TRERF1: variants seen among roughly 807,000 people sequenced by gnomAD.
The protein encoded by TRERF1 is transcriptional regulating factor 1, also known as transcriptional-regulating factor 1.
A neutral mutation model predicts 122.9 loss-of-function variants in TRERF1; 27 were observed. That is an observed-to-expected ratio of 0.22 (90% CI 0.16 to 0.30). TRERF1 has a LOEUF of 0.30. Among genes scored for constraint, TRERF1 ranks in the 10% least tolerant of loss-of-function variants. The probability of loss-of-function intolerance (pLI) is 1.00; values close to 1 mark genes in which losing one functional copy is unlikely to be tolerated. For synonymous variants in TRERF1, 636 were observed against 641.7 expected, an observed-to-expected ratio of 0.99 and a Z score of 0.13; for missense variants, 1,248 against 1,560.3, an observed-to-expected ratio of 0.80 and a Z score of 3.37.
At chr6:42,427,943 T>C (rs1161644842) in intron 2 of TRERF1, among the ~76,000 whole-genome samples, 4 of 152,174 alleles carry the variant, frequency 2.6e-5, no homozygotes, top group African/African-American at 9.7e-5. Flanking sequence ...ATGAAAGAGA[T>C]AAGATTACAC....
intron 2 of TRERF1, among the ~76,000 whole-genome samples, chr6:42,407,026 G>T (rs1406280867): frequency 6.6e-6 from 1 of 152,194 alleles, no homozygotes; most frequent in Admixed American, 6.5e-5. Flanking sequence ...AGGGGCTTGG[G>T]CTAAGAAGCT....
intron 2 of TRERF1, among the ~76,000 whole-genome samples, chr6:42,428,225 T>C (rs913648384): frequency 2.0e-5 from 3 of 152,232 alleles, no homozygotes; most frequent in African/African-American, 7.2e-5. Flanking sequence ...GTAGGGACAA[T>C]GCATCGGAAA....
At chr6:42,290,894 C>T (rs1007710473) in intron 4 of TRERF1, among the ~76,000 whole-genome samples, 89 of 151,892 alleles carry the variant, frequency 5.9e-4, no homozygotes, top group African/African-American at 1.7e-3. Context: ...GTGGAGCTCC[C>T]GGCTTGGAGA....
intron 2 of TRERF1, among the ~76,000 whole-genome samples, chr6:42,426,835 C>T (rs1281903224): frequency 6.6e-6 from 1 of 152,090 alleles, no homozygotes; most frequent in East Asian, 1.9e-4. Context: ...AGAAAGTTTG[C>T]CAATCTTTGA....
At chr6:42,371,604 C>T (rs1773776979) in intron 2 of TRERF1, among the ~76,000 whole-genome samples, 1 of 152,128 alleles carries the variant, frequency 6.6e-6, no homozygotes, top group African/African-American at 2.4e-5. Flanking sequence ...CTCGAGGTAG[C>T]TTTTTAAAGA....
chr6:42,229,556 A>G (rs1770104993), intron 17 of TRERF1, among the ~76,000 whole-genome samples: 1 of 152,128 alleles, frequency 6.6e-6, no homozygotes, highest in Non-Finnish European at 1.5e-5. Context: ...GCTCTTCTCG[A>G]GGTCACTGGT....
At chr6:42,353,609 C>G (rs953549648) in intron 3 of TRERF1, among the ~76,000 whole-genome samples, 3 of 150,104 alleles carry the variant, frequency 2.0e-5, no homozygotes, top group Non-Finnish European at 4.4e-5. Context: ...AACAAACAAA[C>G]GAAAAAAAAA....
At chr6:42,339,028 T>C (rs1466538003) in intron 3 of TRERF1, among the ~76,000 whole-genome samples, 1 of 151,970 alleles carries the variant, frequency 6.6e-6, no homozygotes, top group African/African-American at 2.4e-5. Context: ...CAACTAGGGG[T>C]GAACACATGC....
At chr6:42,302,469 C>T (rs139095533) in intron 3 of TRERF1, among the ~76,000 whole-genome samples, 449 of 152,240 alleles carry the variant, frequency 2.9e-3, no homozygotes, top group Non-Finnish European at 4.1e-3. Flanking sequence ...TTTTCAAAGC[C>T]TTGTTTGTTT....
At chr6:42,443,014 T>C (rs528801293) in intron 2 of TRERF1, among the ~76,000 whole-genome samples, 33 of 152,350 alleles carry the variant, frequency 2.2e-4, no homozygotes, top group Non-Finnish European at 3.8e-4. Flanking sequence ...ATAAGATATG[T>C]CAAAGAGGCT....
At chr6:42,346,384 G>A (rs937493045) in intron 3 of TRERF1, among the ~76,000 whole-genome samples, 1 of 152,218 alleles carries the variant, frequency 6.6e-6, no homozygotes, top group African/African-American at 2.4e-5. Flanking sequence ...GAAGGCAGAT[G>A]AATTCTAACT....
Position 42,265,002 on chromosome 6 carries a change from C to A in TRERF1, c.1485-148G>T, listed in dbSNP as rs1231118714. ...TGGCACCACTTGTATCACCCCAGTGCCCTTTAGAGAACAAAGTTCAATTTA... is the reference window on the plus strand; with the variant it reads ...TGGCACCACTTGTATCACCCCAGTGACCTTTAGAGAACAAAGTTCAATTTA... On this transcript the variant is annotated intron_variant, in intron 6 of 17. Transcript: ENST00000372922. 7.2e-6 allele frequency: 6 copies of A among 838,868 alleles called. No individual in the cohort carries two copies. The African/African-American group carries it at 1.0e-4, about 14-fold the overall frequency. The allele number at this position is 838,868 out of a possible 1,614,324, so 52.0% of individuals were successfully genotyped here.
chr6:42,368,956 TTAAGA>T (rs1773270305), intron 2 of TRERF1, among the ~76,000 whole-genome samples: 1 of 152,084 alleles, frequency 6.6e-6, no homozygotes, highest in Non-Finnish European at 1.5e-5. Context: ...AAATGAGCAA[TTAAGA>T]TGACCCGAAT....
intron 3 of TRERF1, among the ~76,000 whole-genome samples, chr6:42,302,211 G>A (rs928973203): frequency 6.6e-6 from 1 of 152,142 alleles, no homozygotes; most frequent in Non-Finnish European, 1.5e-5. Context: ...AGGGCTGCTG[G>A]TATGCATTCC....
Position 42,303,903 on chromosome 6 carries a change from A to AT in TRERF1, c.-370-3155dup, listed in dbSNP as rs1168602174. On this transcript the variant is annotated intron_variant, in intron 3 of 17. Coordinates refer to ENST00000372922, the Ensembl canonical transcript of TRERF1. Reference sequence around the variant, plus strand: ...GGGTGACAGAGGGAGACACTGTCTCATAAAAAAAAAAAAAAAAAAAAAAAA... The same window carrying AT: ...GGGTGACAGAGGGAGACACTGTCTCATTAAAAAAAAAAAAAAAAAAAAAAAA... Among the ~76,000 whole-genome samples the AT allele has an allele frequency of 9.0e-3, 647 of 71,976 alleles. 12 individuals are homozygous for AT. The highest frequency in any genetic ancestry group is 0.027 in the African/African-American group (588 of 21,438). The allele number at this position is 71,976 out of a possible 152,430, so 47.2% of individuals were successfully genotyped here.
chr6:42,313,178 C>T (rs1761953193), intron 3 of TRERF1, among the ~76,000 whole-genome samples: 1 of 152,164 alleles, frequency 6.6e-6, no homozygotes, highest in Non-Finnish European at 1.5e-5. Flanking sequence ...ACCCTGAGAT[C>T]GCCTGGGGTT....
At chr6:42,247,995 C>T (rs1245065358) in intron 13 of TRERF1, among the ~76,000 whole-genome samples, 2 of 152,172 alleles carry the variant, frequency 1.3e-5, no homozygotes, top group African/African-American at 4.8e-5. Flanking sequence ...CCATTCCGGG[C>T]GAGTCCAAGG....
chr6:42,417,745 C>T (rs182064945), intron 2 of TRERF1, among the ~76,000 whole-genome samples: 14 of 152,282 alleles, frequency 9.2e-5, no homozygotes, highest in African/African-American at 3.4e-4. Flanking sequence ...AGCAGACAAC[C>T]AGAGCCCCTG....
At chr6:42,233,170 G>T (rs1002153285) in intron 16 of TRERF1, among the ~76,000 whole-genome samples, 3 of 152,044 alleles carry the variant, frequency 2.0e-5, no homozygotes, top group African/African-American at 7.2e-5. Flanking sequence ...AAGTCAAGAC[G>T]TCAGGGGTTT....
Sources: allele counts gnomAD v4.1 joint callset (sites outside exome capture counted in the v4.1 genomes callset), GRCh38; gene constraint gnomAD v4.1.1; transcripts MANE v1.5; gene names NCBI Gene and HGNC (gene_info 2026-07-23, HGNC 2026-07-21).